The following CMSS1 variants were observed in gnomAD, a reference collection of about 807,000 sequenced individuals.
The protein encoded by CMSS1 is cms1 ribosomal small subunit homolog, also known as protein CMSS1.
In CMSS1, 33 loss-of-function variants were observed where a neutral mutation model predicts 43.5. The observed-to-expected ratio is 0.76, with a 90% CI of 0.57 to 1.01. The LOEUF is 1.01. Among genes scored for constraint, CMSS1 ranks in the 50% least tolerant of loss-of-function variants. The pLI is 0.00. For missense variants in CMSS1, 313 were observed against 326.4 expected, an observed-to-expected ratio of 0.96 and a Z score of 0.32; for synonymous variants, 115 against 117.2, an observed-to-expected ratio of 0.98 and a Z score of 0.12.
intron 1 of CMSS1, among the ~76,000 whole-genome samples, chr3:100,083,215 C>T (rs1281802921): frequency 2.6e-5 from 4 of 152,212 alleles, no homozygotes; most frequent in African/African-American, 9.6e-5. Flanking sequence ...GAATATTCAA[C>T]ATAAGAATTA....
At chr3:100,022,472 A>C (rs1243847514) in intron 1 of CMSS1, among the ~76,000 whole-genome samples, 1 of 152,214 alleles carries the variant, frequency 6.6e-6, no homozygotes, top group South Asian at 2.1e-4. Flanking sequence ...ACATCCCATT[A>C]CAGAAACAGC....
intron 3 of CMSS1, among the ~76,000 whole-genome samples, chr3:100,161,478 T>A (rs1303286079): frequency 2.6e-5 from 4 of 152,150 alleles, no homozygotes; most frequent in Non-Finnish European, 4.4e-5. Flanking sequence ...ACTGATGACA[T>A]ATTTTTAAAA....
Position 100,167,833 on chromosome 3 carries a change from C to T in CMSS1, c.511C>T (p.Leu171Phe). 3.7e-6 allele frequency: 6 copies of T among 1,608,258 alleles called. No individual in the cohort carries two copies. The South Asian group carries it at 6.6e-5, about 18-fold the overall frequency. The change falls in exon 6 of 10, where the codon CTC becomes TTC. Residue 171 changes from leucine to phenylalanine, a missense_variant. By Grantham distance (22) the Leu-to-Phe change is conservative. Transcript: ENST00000421999. ...CAGCTCGGCCGTCCGAGCCCTGGAGCTCATTAGGTTGGAAGGTTCACCTAT... is the reference window on the plus strand; with the variant it reads ...CAGCTCGGCCGTCCGAGCCCTGGAGTTCATTAGGTTGGAAGGTTCACCTAT... ...ICSSAVRALE[L>F]IRSMTAFRGD...
intron 1 of CMSS1, among the ~76,000 whole-genome samples, chr3:99,851,917 G>C (rs7626245): frequency 0.067 from 10,147 of 152,238 alleles, 398 homozygotes; most frequent in Middle Eastern, 0.085. Flanking sequence ...CATAACATTT[G>C]AGAAGAGCAT....
intron 2 of CMSS1, among the ~76,000 whole-genome samples, chr3:100,150,460 T>C (rs2066897322): frequency 6.6e-6 from 1 of 152,224 alleles, no homozygotes; most frequent in South Asian, 2.1e-4. Flanking sequence ...CATGATGCTG[T>C]CAGCTGTAAT....
rs1433879348 is a variant in CMSS1 at position 99,885,324 on chromosome 3, GA to G, written c.64+67282del. On this transcript the variant is annotated intron_variant, in intron 1 of 9. Coordinates refer to ENST00000421999, the MANE Select transcript of CMSS1 (RefSeq NM_032359.4). ...GTTGACTCTCAGTGACTTCCACTTT[GA>G]CTCTGAGATTTATCTTCAAATGCTG... is the stretch of plus-strand genomic sequence containing the variant. Among the ~76,000 whole-genome samples the G allele has an allele frequency of 2.0e-5, 3 of 152,278 alleles. No individual in the cohort carries two copies. In the East Asian group the frequency reaches 5.8e-4, roughly 29 times the overall value.
intron 1 of CMSS1, among the ~76,000 whole-genome samples, chr3:99,943,813 C>G (rs1707924789): frequency 6.6e-6 from 1 of 152,168 alleles, no homozygotes; most frequent in African/African-American, 2.4e-5. Flanking sequence ...GGGGAAAGAG[C>G]ATAGGCTCTG....
At chr3:100,058,035 A>G (rs1407477801) in intron 1 of CMSS1, among the ~76,000 whole-genome samples, 2 of 152,178 alleles carry the variant, frequency 1.3e-5, no homozygotes, top group African/African-American at 2.4e-5. Flanking sequence ...TCTCCCACTC[A>G]TGCCTCAAAG....
intron 1 of CMSS1, among the ~76,000 whole-genome samples, chr3:100,110,504 G>GA (rs2066473154): frequency 6.6e-6 from 1 of 151,952 alleles, no homozygotes; most frequent in Non-Finnish European, 1.5e-5. Flanking sequence ...CACAAATAGA[G>GA]AAAAAAGTAG....
chr3:99,975,964 A>C (rs1708957746), intron 1 of CMSS1, among the ~76,000 whole-genome samples: 1 of 152,186 alleles, frequency 6.6e-6, no homozygotes, highest in African/African-American at 2.4e-5. Flanking sequence ...GGCTCACTGC[A>C]ACCTCCGCCT....
intron 1 of CMSS1, among the ~76,000 whole-genome samples, chr3:99,827,439 G>A (rs552739025): frequency 3.9e-4 from 60 of 152,212 alleles, no homozygotes; most frequent in Admixed American, 3.9e-3. Context: ...TGATCTGCCC[G>A]CCTTGGCCTC....
chr3:100,060,746 CA>C (rs2065549168), intron 1 of CMSS1, among the ~76,000 whole-genome samples: 1 of 152,092 alleles, frequency 6.6e-6, no homozygotes, highest in Admixed American at 6.5e-5. Context: ...CCTGTAGTCC[CA>C]GCTACTCTGG....
chr3:99,872,955 CTGA>C (rs1705311205), intron 1 of CMSS1, among the ~76,000 whole-genome samples: 1 of 151,174 alleles, frequency 6.6e-6, no homozygotes, highest in Admixed American at 6.6e-5. Flanking sequence ...TGTGCAAAGG[CTGA>C]TAAGTGTTGG....
intron 1 of CMSS1, among the ~76,000 whole-genome samples, chr3:99,973,046 A>C (rs1362457505): frequency 6.6e-6 from 1 of 152,220 alleles, no homozygotes; most frequent in Non-Finnish European, 1.5e-5. Flanking sequence ...TCTGTTCACA[A>C]AATTAGGTGC....
At chr3:100,075,748 C>T (rs1300151990) in intron 1 of CMSS1, 1 of 152,070 alleles carries the variant, frequency 6.6e-6, no homozygotes, top group African/African-American at 2.4e-5. Flanking sequence ...AGAATTTCAT[C>T]CCACAGTGAT....
intron 1 of CMSS1, among the ~76,000 whole-genome samples, chr3:100,064,405 T>G (rs1407901569): frequency 6.6e-6 from 1 of 152,122 alleles, no homozygotes; most frequent in Admixed American, 6.5e-5. Context: ...ACCCTTTTTT[T>G]TTTTTCAACA....
rs1384984561 is a variant in CMSS1, at chr3:100,178,655, CTG to C, written c.*270_*271del. On this transcript the variant is annotated 3_prime_UTR_variant, in exon 10 of 10. Transcript: ENST00000421999. ...TGTCACCAACTGGCTTCTGATGTAA[CTG>C]TGCAGGAGAAAGGAAAGAGCAGCTG... The C allele has an allele frequency of 5.9e-6, 2 of 340,256 alleles. No individual in the cohort carries two copies. The highest frequency in any genetic ancestry group is 4.2e-5 in the African/African-American group (2 of 47,806). The allele number at this position is 340,256 out of a possible 1,614,324, so 21.1% of individuals were successfully genotyped here. A position where few individuals can be genotyped will look rare whatever the true frequency, so the allele number is the denominator to read the frequency against.
chr3:99,845,267 A>G (rs1297123749), intron 1 of CMSS1, among the ~76,000 whole-genome samples: 1 of 152,192 alleles, frequency 6.6e-6, no homozygotes, highest in Non-Finnish European at 1.5e-5. Context: ...AAGTTTTGCC[A>G]TTGCTTTTAA....
intron 1 of CMSS1, among the ~76,000 whole-genome samples, chr3:99,872,933 A>G (rs1166575285): frequency 6.6e-6 from 1 of 151,792 alleles, no homozygotes; most frequent in Non-Finnish European, 1.5e-5. Flanking sequence ...TTTTTTTTAA[A>G]AAAAGGAGGG....
Sources: gnomAD v4.1 joint callset for allele counts (sites outside exome capture counted in the v4.1 genomes callset) on GRCh38, gnomAD v4.1.1 for gene constraint, MANE v1.5 for transcripts, NCBI Gene and HGNC (gene_info 2026-07-23, HGNC 2026-07-21) for gene names.